The following CLEC4A variants were observed in gnomAD, a reference collection of about 807,000 sequenced individuals.
CLEC4A encodes the protein C-type (calcium dependent, carbohydrate-recognition domain) lectin, superfamily member 6.
Under a neutral mutation model 32.7 loss-of-function variants are expected in CLEC4A, and 27 were observed. That is an observed-to-expected ratio of 0.83 (90% confidence interval 0.61 to 1.14). CLEC4A has a LOEUF of 1.14. Ranked by LOEUF, CLEC4A falls within the 50% of genes most tolerant of loss-of-function variation. The probability of loss-of-function intolerance (pLI) is 0.00; values close to 1 mark genes in which losing one functional copy is unlikely to be tolerated. For synonymous variants in CLEC4A, 89 were observed against 93.7 expected (o/e 0.95, Z 0.29); for missense variants, 253 against 274.6 (o/e 0.92, Z 0.55).
At chr12:8,136,701 CCTT>C (rs1408556172) in intron 4 of CLEC4A, 84 bp from the exon 5 acceptor site, 13 of 771,922 alleles carry the variant, frequency 1.7e-5, no homozygotes, top group Non-Finnish European at 2.4e-5. Flanking sequence ...TGGATCCTCT[CCTT>C]TTCTTCTTGT....
At chr12:8,108,841 T>C in the CLEC4A span, among the ~76,000 whole-genome samples, 1 of 138,988 alleles carries the variant, frequency 7.2e-6, no homozygotes, top group Non-Finnish European at 1.6e-5. Flanking sequence ...AACAAAATAA[T>C]GCATTAAGAC....
chr12:8,137,515 T>C (rs1274653714), intron 5 of CLEC4A, among the ~76,000 whole-genome samples: 1 of 152,240 alleles, frequency 6.6e-6, no homozygotes, highest in East Asian at 1.9e-4. Flanking sequence ...CATATTTATG[T>C]AATTCTTTAA....
the CLEC4A span, among the ~76,000 whole-genome samples, chr12:8,115,830 C>T: frequency 2.6e-5 from 4 of 151,902 alleles, no homozygotes; most frequent in South Asian, 8.3e-4. Context: ...GCCCTGTTGT[C>T]CAGGCTGGAG....
intron 3 of CLEC4A, among the ~76,000 whole-genome samples, chr12:8,132,711 A>G (rs1163165310): frequency 1.3e-5 from 2 of 152,078 alleles, no homozygotes; most frequent in East Asian, 3.8e-4. Flanking sequence ...TAGTTCTGTC[A>G]ATGGTTGAGA....
At chr12:8,125,294 G>A (rs1947881783) in intron 1 of CLEC4A, among the ~76,000 whole-genome samples, 1 of 152,064 alleles carries the variant, frequency 6.6e-6, no homozygotes, top group Admixed American at 6.5e-5. Context: ...TTGCTAGAAA[G>A]ATATATACCA....
the CLEC4A span, among the ~76,000 whole-genome samples, chr12:8,115,993 C>T: frequency 6.6e-6 from 1 of 151,938 alleles, no homozygotes; most frequent in South Asian, 2.1e-4. Context: ...GACAGGGTCT[C>T]ACTCTGTCAC....
chr12:8,134,469 T>C (rs764905073), intron 3 of CLEC4A: 16 of 1,613,798 alleles, frequency 9.9e-6, no homozygotes, highest in African/African-American at 2.7e-5. Context: ...TTGCTCCAGC[T>C]TCTCCTTCTC....
the CLEC4A span, among the ~76,000 whole-genome samples, chr12:8,116,224 A>ATTACAG: frequency 6.6e-6 from 1 of 152,216 alleles, no homozygotes; most frequent in East Asian, 1.9e-4. Context: ...GGCCTCCCAG[A>ATTACAG]GTGCTAGGAT....
chr12:8,115,463 G>A, the CLEC4A span, among the ~76,000 whole-genome samples: 11 of 152,302 alleles, frequency 7.2e-5, no homozygotes, highest in East Asian at 2.1e-3. Flanking sequence ...ACCACTGCCT[G>A]ATAGACCAGG....
chr12:8,109,423 A>G, the CLEC4A span, among the ~76,000 whole-genome samples: 29 of 152,222 alleles, frequency 1.9e-4, no homozygotes, highest in Non-Finnish European at 2.1e-4. Context: ...CTACTTTGCT[A>G]CAAAATTTGT....
At chr12:8,108,259 T>G in the CLEC4A span, among the ~76,000 whole-genome samples, 3 of 152,196 alleles carry the variant, frequency 2.0e-5, no homozygotes, top group Admixed American at 6.6e-5. Context: ...AAGTAAGTAG[T>G]AATGAAGACA....
rs766387513 is a variant in CLEC4A, at chr12:8,129,358, G to A, written c.294G>A (p.Val98=). ...AGTGTGTGAAAAAAAATATGCCCGT[G>A]GAAGGTAAAAATTAATGTGCCTAGA... ...TLECVKKNMP[V]EETAWSCCPK... The change falls in exon 3 of 6, where the codon GTG becomes GTA. Residue 98 remains valine (V), a synonymous_variant. Transcript: ENST00000229332. The A allele has an allele frequency of 1.3e-6, 2 of 1,598,252 alleles. No homozygotes were observed. Among genetic ancestry groups the A allele is most frequent in the Middle Eastern group, 1.7e-4 (1 of 6,034 alleles).
At chr12:8,118,203 C>G in the CLEC4A span, among the ~76,000 whole-genome samples, 1 of 152,130 alleles carries the variant, frequency 6.6e-6, no homozygotes, top group East Asian at 1.9e-4. Context: ...ATGCATTCAT[C>G]TGGGAGTAGA....
chr12:8,113,707 T>G, the CLEC4A span, among the ~76,000 whole-genome samples: 590 of 152,280 alleles, frequency 3.9e-3, 7 homozygotes, highest in African/African-American at 0.013. Context: ...TCTCACCCCC[T>G]ACCCAGGTTC....
chr12:8,121,430 A>G (rs1565401674), upstream of CLEC4A: 1 of 152,122 alleles, frequency 6.6e-6, no homozygotes, highest in Non-Finnish European at 1.5e-5. Flanking sequence ...AAATAATTTG[A>G]TTCTAAATAA....
At chr12:8,126,122 C>T (rs550244996) in intron 2 of CLEC4A, among the ~76,000 whole-genome samples, 16 of 152,292 alleles carry the variant, frequency 1.1e-4, no homozygotes, top group Non-Finnish European at 2.2e-4. Flanking sequence ...GGCTTTTACT[C>T]TGATTATTCC....
At chr12:8,123,059 C>T (rs1947847107), upstream of CLEC4A, among the ~76,000 whole-genome samples, 1 of 152,082 alleles carries the variant, frequency 6.6e-6, no homozygotes, top group South Asian at 2.1e-4. Flanking sequence ...TACTGTGATT[C>T]TATATAATTC....
At chr12:8,129,450 T>G (rs1947957804) in intron 3 of CLEC4A, 88 bp downstream of exon 3, 2 of 885,086 alleles carry the variant, frequency 2.3e-6, no homozygotes, top group African/African-American at 3.4e-5. Context: ...CCCAGGTAGA[T>G]CATACTGAAA....
chr12:8,138,073 C>T, intron 5 of CLEC4A, 67 bp from the exon 6 acceptor site: 1 of 1,534,016 alleles, frequency 6.5e-7, no homozygotes, highest in Non-Finnish European at 8.8e-7. Flanking sequence ...TCGCTCCTCA[C>T]CCCTGTCTCT....
Sources: allele counts gnomAD v4.1 joint callset (sites outside exome capture counted in the v4.1 genomes callset), GRCh38; gene constraint gnomAD v4.1.1; transcripts MANE v1.5; gene names NCBI Gene and HGNC (gene_info 2026-07-23, HGNC 2026-07-21).